Variants in CSMD1 observed in about 807,000 individuals in gnomAD.
CSMD1 encodes the protein CUB and sushi domain-containing protein 1.
Under a neutral mutation model 417.5 loss-of-function variants are expected in CSMD1, and 213 were observed. The observed-to-expected ratio is 0.51, with a 90% CI of 0.46 to 0.57. The LOEUF is 0.57. Ranked by LOEUF, CSMD1 falls within the 20% of genes least tolerant of loss-of-function variation. The probability of loss-of-function intolerance (pLI) is 0.00; values close to 1 mark genes in which losing one functional copy is unlikely to be tolerated. For missense variants in CSMD1, 6,923 were observed against 4,529.7 expected (o/e 1.53, Z -15.17); for synonymous variants, 2,862 against 1,736.8 (o/e 1.65, Z -16.11).
chr8:3,605,282 G>A (rs767568091), intron 8 of CSMD1, among the ~76,000 whole-genome samples: 7 of 152,118 alleles, frequency 4.6e-5, no homozygotes, highest in Admixed American at 6.5e-5. Context: ...GCGCCATCGC[G>A]CCCAGATGAA....
At chr8:3,032,183 G>A (rs1459174030) in intron 50 of CSMD1, among the ~76,000 whole-genome samples, 1 of 151,920 alleles carries the variant, frequency 6.6e-6, no homozygotes, top group Admixed American at 6.6e-5. Context: ...GAGAGTGGAA[G>A]AGTGGAGATT....
At chr8:3,042,501 T>G (rs890915396) in intron 50 of CSMD1, among the ~76,000 whole-genome samples, 2 of 151,536 alleles carry the variant, frequency 1.3e-5, no homozygotes, top group Non-Finnish European at 2.9e-5. Context: ...TTGTTTGACT[T>G]TGTAAACCTG....
chr8:4,026,964 AGT>A (rs1797094826), intron 4 of CSMD1, among the ~76,000 whole-genome samples: 1 of 152,186 alleles, frequency 6.6e-6, no homozygotes, highest in Admixed American at 6.5e-5. Context: ...CCTACTTTGC[AGT>A]GTTTGCCAAT....
intron 3 of CSMD1, among the ~76,000 whole-genome samples, chr8:4,062,068 G>C (rs574661022): frequency 6.6e-6 from 1 of 152,108 alleles, no homozygotes; most frequent in South Asian, 2.1e-4. Context: ...CCGTGGTGGA[G>C]CCAGGTGCCA....
At chr8:4,030,534 A>T (rs1361606722) in intron 4 of CSMD1, among the ~76,000 whole-genome samples, 2 of 152,150 alleles carry the variant, frequency 1.3e-5, no homozygotes, top group African/African-American at 4.8e-5. Context: ...GGCTGTACAC[A>T]GCATGGGGAC....
At chr8:3,846,938 G>A (rs773995047) in intron 5 of CSMD1, among the ~76,000 whole-genome samples, 3 of 152,132 alleles carry the variant, frequency 2.0e-5, no homozygotes, top group Admixed American at 6.5e-5. Context: ...GCCTCCCAAA[G>A]TGCTGTGATT....
chr8:4,446,951 C>T (rs1052068826), intron 2 of CSMD1, among the ~76,000 whole-genome samples: 4 of 141,760 alleles, frequency 2.8e-5, no homozygotes, highest in Admixed American at 6.9e-5. Flanking sequence ...AAAAAAAAAA[C>T]ATTGGCCCTA....
At chr8:2,991,552 T>G (rs187373316) in intron 54 of CSMD1, among the ~76,000 whole-genome samples, 24 of 152,280 alleles carry the variant, frequency 1.6e-4, no homozygotes, top group Admixed American at 6.5e-4. Flanking sequence ...GGAATTTGAA[T>G]TTTTTTAACA....
At chr8:3,327,009 C>G (rs556764627) in intron 23 of CSMD1, among the ~76,000 whole-genome samples, 20 of 151,774 alleles carry the variant, frequency 1.3e-4, no homozygotes, top group Admixed American at 5.2e-4. Context: ...AGACCCTACT[C>G]TCCACTAAAA....
At chr8:4,831,959 A>T (rs781473937) in intron 1 of CSMD1, among the ~76,000 whole-genome samples, 1 of 152,192 alleles carries the variant, frequency 6.6e-6, no homozygotes, top group South Asian at 2.1e-4. Flanking sequence ...TTTGTCTGGG[A>T]GAAAAAGTGA....
chr8:4,172,427 G>A (rs565453078), intron 3 of CSMD1, among the ~76,000 whole-genome samples: 1 of 152,050 alleles, frequency 6.6e-6, no homozygotes, highest in Admixed American at 6.6e-5. Context: ...GCGTTACACA[G>A]CATAGTCTAG....
chr8:3,107,029 A>T (rs1220294228), intron 45 of CSMD1: 1 of 159,642 alleles, frequency 6.3e-6, no homozygotes, highest in Non-Finnish European at 1.4e-5. Flanking sequence ...CTTGGTACTT[A>T]GCACAATGTT....
At chr8:3,695,799 A>G (rs906465647) in intron 7 of CSMD1, among the ~76,000 whole-genome samples, 1 of 152,246 alleles carries the variant, frequency 6.6e-6, no homozygotes, top group Non-Finnish European at 1.5e-5. Flanking sequence ...TTATAAATCA[A>G]CCAGCAAACA....
chr8:4,624,236 G>A (rs985222849), intron 2 of CSMD1, among the ~76,000 whole-genome samples: 1 of 152,106 alleles, frequency 6.6e-6, no homozygotes, highest in South Asian at 2.1e-4. Flanking sequence ...TAACGTGCAA[G>A]TACACTTCCG....
At chr8:4,840,687 G>C (rs1331239582) in intron 1 of CSMD1, among the ~76,000 whole-genome samples, 1 of 152,190 alleles carries the variant, frequency 6.6e-6, no homozygotes. Flanking sequence ...TTATTACTCA[G>C]TGCCTGCAAG....
At chr8:3,762,088 C>G (rs997253825) in intron 5 of CSMD1, among the ~76,000 whole-genome samples, 2 of 152,112 alleles carry the variant, frequency 1.3e-5, no homozygotes, top group African/African-American at 4.8e-5. Flanking sequence ...GTCTCCTGAG[C>G]CCTCCCACTC....
chr8:3,346,661 T>A (rs1352308275), intron 22 of CSMD1, among the ~76,000 whole-genome samples: 1 of 152,182 alleles, frequency 6.6e-6, no homozygotes, highest in Non-Finnish European at 1.5e-5. Flanking sequence ...TGCACATAAC[T>A]TCTAATGAGG....
chr8:4,772,614 A>G (rs1472696818), intron 1 of CSMD1, among the ~76,000 whole-genome samples: 4 of 152,184 alleles, frequency 2.6e-5, no homozygotes, highest in African/African-American at 9.7e-5. Flanking sequence ...TTTTCTTAGT[A>G]TTTTTATCAT....
chr8:2,961,201 G>C lies in CSMD1; in HGVS notation c.9642C>G (p.Asn3214Lys). Residue 3214 changes from asparagine to lysine, a missense_variant, in exon 62 of 70, where the codon AAC becomes AAG. Asn to Lys is a moderately conservative substitution (Grantham distance 94). Coordinates refer to ENST00000635120, the MANE Select transcript of CSMD1 (RefSeq NM_033225.6). ...IQPTCIDPAH[N>K]TCPDPGTPHF... ...GTGGCGTACCAGGGTCTGGGCAGGT[G>C]TTATGAGCAGGATCTGAAATTTGTG... 6.3e-7 allele frequency: 1 copy of C among 1,594,700 alleles called. No homozygotes were observed. Among genetic ancestry groups the C allele is most frequent in the Non-Finnish European group, 8.6e-7 (1 of 1,167,408 alleles).
Sources: gnomAD v4.1 joint callset for allele counts (sites outside exome capture counted in the v4.1 genomes callset) on GRCh38, gnomAD v4.1.1 for gene constraint, MANE v1.5 for transcripts, NCBI Gene and HGNC (gene_info 2026-07-23, HGNC 2026-07-21) for gene names.